Variants in DAB1 observed in about 807,000 individuals in gnomAD.
The protein encoded by DAB1 is disabled homolog 1.
Under a neutral mutation model 64.6 loss-of-function variants are expected in DAB1, and 15 were observed. That is an observed-to-expected ratio of 0.23 (90% CI 0.16 to 0.36). DAB1 has a LOEUF of 0.36. DAB1 is among the 10% of genes least tolerant of loss of function. The pLI, the probability that DAB1 is intolerant of heterozygous loss-of-function variation, is 1.00. For missense variants in DAB1, 596 were observed against 706.7 expected (o/e 0.84, Z 1.78); for synonymous variants, 235 against 251.9 (o/e 0.93, Z 0.64).
intron 1 of DAB1, among the ~76,000 whole-genome samples, chr1:57,391,748 T>C (rs2101002785): frequency 6.7e-6 from 1 of 149,782 alleles, no homozygotes; most frequent in East Asian, 2.0e-4. Flanking sequence ...TTCTGGTCTT[T>C]TTAAAGGCAG....
intron 4 of DAB1, among the ~76,000 whole-genome samples, chr1:57,101,194 A>AACAG (rs1231793807): frequency 5.3e-5 from 8 of 152,188 alleles, no homozygotes; most frequent in Non-Finnish European, 1.2e-4. Context: ...CCCAAACACA[A>AACAG]GACTACACCG....
intron 2 of DAB1, among the ~76,000 whole-genome samples, chr1:57,286,128 G>A (rs1003157803): frequency 1.3e-5 from 2 of 151,982 alleles, no homozygotes; most frequent in African/African-American, 4.8e-5. Flanking sequence ...TTCATAAATC[G>A]CCTGCCTAGA....
At chr1:58,072,187 T>C (rs1161217692) in intron 5 of DAB1, among the ~76,000 whole-genome samples, 1 of 152,142 alleles carries the variant, frequency 6.6e-6, no homozygotes, top group Non-Finnish European at 1.5e-5. Flanking sequence ...TTCTTTATAC[T>C]TTTTTCACAC....
intron 1 of DAB1, among the ~76,000 whole-genome samples, chr1:57,882,580 A>G (rs1306574893): frequency 6.6e-6 from 1 of 152,226 alleles, no homozygotes; most frequent in East Asian, 1.9e-4. Flanking sequence ...TTAAGCAGAT[A>G]GAGTTGGCCT....
intron 6 of DAB1, among the ~76,000 whole-genome samples, chr1:57,729,376 G>A (rs1034412964): frequency 2.5e-4 from 38 of 152,332 alleles, no homozygotes; most frequent in African/African-American, 9.1e-4. Flanking sequence ...GGCAGGTGAT[G>A]TGCCTCTAGC....
chr1:57,103,409 C>G (rs1654859569), intron 4 of DAB1, among the ~76,000 whole-genome samples: 1 of 152,176 alleles, frequency 6.6e-6, no homozygotes, highest in Admixed American at 6.5e-5. Flanking sequence ...CAACACTAAG[C>G]AAGACACTTA....
chr1:57,014,344 G>A (rs1646357064), intron 12 of DAB1, among the ~76,000 whole-genome samples: 1 of 152,108 alleles, frequency 6.6e-6, no homozygotes, highest in Admixed American at 6.5e-5. Flanking sequence ...AGACCTTATG[G>A]CTGCGTATCT....
intron 2 of DAB1, among the ~76,000 whole-genome samples, chr1:57,186,443 T>C (rs746473333): frequency 2.0e-5 from 3 of 152,190 alleles, no homozygotes; most frequent in Non-Finnish European, 2.9e-5. Context: ...CTATAAAACA[T>C]TATTTATTAG....
chr1:57,468,466 A>G (rs1187996515), intron 7 of DAB1, among the ~76,000 whole-genome samples: 1 of 152,220 alleles, frequency 6.6e-6, no homozygotes, highest in Admixed American at 6.5e-5. Flanking sequence ...CTAATGAGCA[A>G]TAGGGAGCTA....
intron 2 of DAB1, among the ~76,000 whole-genome samples, chr1:57,263,098 A>T (rs1670309937): frequency 6.6e-6 from 1 of 151,180 alleles, no homozygotes; most frequent in East Asian, 2.0e-4. Context: ...AAGTTTCATC[A>T]TCTATGGAAT....
intron 5 of DAB1, among the ~76,000 whole-genome samples, chr1:58,068,868 A>C (rs1649043460): frequency 6.6e-6 from 1 of 152,164 alleles, no homozygotes; most frequent in Non-Finnish European, 1.5e-5. Flanking sequence ...GGAATGAAGA[A>C]AGGCAAACTG....
chr1:58,451,705 G>A (rs542528172), intron 3 of DAB1, among the ~76,000 whole-genome samples: 9 of 152,146 alleles, frequency 5.9e-5, no homozygotes, highest in African/African-American at 1.7e-4. Flanking sequence ...AAAGCTAGAC[G>A]GGCTTTAGTA....
intron 4 of DAB1, among the ~76,000 whole-genome samples, chr1:58,196,769 CG>C (rs997645152): frequency 6.6e-5 from 10 of 152,140 alleles, no homozygotes; most frequent in African/African-American, 2.4e-4. Context: ...GAGAGCAGCA[CG>C]GGGGAAACCA....
chr1:57,138,039 G>A (rs1369875400), intron 3 of DAB1, among the ~76,000 whole-genome samples: 2 of 152,064 alleles, frequency 1.3e-5, no homozygotes, highest in African/African-American at 4.8e-5. Flanking sequence ...TTTATTTAAA[G>A]TACCTAGCAC....
At chr1:57,632,891 C>T (rs1053444682) in intron 7 of DAB1, among the ~76,000 whole-genome samples, 6 of 152,074 alleles carry the variant, frequency 3.9e-5, no homozygotes, top group African/African-American at 9.7e-5. Flanking sequence ...GGATACTTTT[C>T]TTTTAAATTT....
At chr1:57,724,276 A>T (rs1199520438) in intron 6 of DAB1, among the ~76,000 whole-genome samples, 1 of 120,426 alleles carries the variant, frequency 8.3e-6, no homozygotes, top group Non-Finnish European at 1.7e-5. Context: ...AAAAGGAAGG[A>T]AGGAAGGAAC....
chr1:57,574,126 A>C (rs565966960), intron 7 of DAB1, among the ~76,000 whole-genome samples: 20 of 152,346 alleles, frequency 1.3e-4, no homozygotes, highest in African/African-American at 4.6e-4. Flanking sequence ...TGTTCAACTA[A>C]GATGGATTCT....
intron 2 of DAB1, among the ~76,000 whole-genome samples, chr1:58,514,846 T>A (rs764274386): frequency 2.0e-5 from 3 of 152,178 alleles, no homozygotes; most frequent in Non-Finnish European, 4.4e-5. Flanking sequence ...CAGAAATGAA[T>A]GTACCTCCAC....
chr1:57,312,791 C>T (rs566161708), intron 1 of DAB1, among the ~76,000 whole-genome samples: 13 of 152,130 alleles, frequency 8.5e-5, no homozygotes, highest in East Asian at 1.9e-4. Flanking sequence ...CAGCAGTGGC[C>T]GGTGAGCAGC....
Sources: gnomAD v4.1 joint callset for allele counts (sites outside exome capture counted in the v4.1 genomes callset) on GRCh38, gnomAD v4.1.1 for gene constraint, MANE v1.5 for transcripts, NCBI Gene and HGNC (gene_info 2026-07-23, HGNC 2026-07-21) for gene names.